NKAIN2: variants seen among roughly 807,000 people sequenced by gnomAD.
NKAIN2 encodes sodium/potassium transporting ATPase interacting 2.
Under a neutral mutation model 32.6 loss-of-function variants are expected in NKAIN2, and 14 were observed. The observed-to-expected ratio is 0.43, with a 90% CI of 0.28 to 0.67. NKAIN2 has a LOEUF of 0.67. Among genes scored for constraint, NKAIN2 ranks in the 30% least tolerant of loss-of-function variants. The pLI, the probability that NKAIN2 is intolerant of heterozygous loss-of-function variation, is 0.17. For missense variants in NKAIN2, 198 were observed against 258.3 expected, an observed-to-expected ratio of 0.77 and a Z score of 1.60; for synonymous variants, 80 against 87.2, an observed-to-expected ratio of 0.92 and a Z score of 0.46.
At chr6:124,757,732 T>A (rs565226033) in intron 4 of NKAIN2, among the ~76,000 whole-genome samples, 139 of 152,292 alleles carry the variant, frequency 9.1e-4, no homozygotes, top group Non-Finnish European at 1.8e-3. Flanking sequence ...TTGTGTAAGG[T>A]TGTCCAGAAA....
At position 124,785,764 on chromosome 6, in the gene NKAIN2, C is replaced by T. The variant is rs974790256; in HGVS notation, c.475-5575C>T. Among the ~76,000 whole-genome samples, 4 of 152,122 alleles carry T rather than the reference C, an allele frequency of 2.6e-5. No homozygotes were observed. In the East Asian group the frequency reaches 5.8e-4, roughly 22 times the overall value. On this transcript the variant is annotated intron_variant, in intron 4 of 6. Transcript: ENST00000368417. ...GCTCCAAGGTGGCTTTCACTGATGC[C>T]ATGGGGGTGGCGGACTGGCCTCAGT...
chr6:123,897,637 T>C (rs1330356407), intron 1 of NKAIN2, among the ~76,000 whole-genome samples: 4 of 152,068 alleles, frequency 2.6e-5, no homozygotes. Flanking sequence ...ATTATATATC[T>C]GTTATGAGTG....
chr6:124,358,800 G>T (rs1227493725), intron 3 of NKAIN2, among the ~76,000 whole-genome samples: 25 of 151,030 alleles, frequency 1.7e-4, no homozygotes, highest in Non-Finnish European at 2.1e-4. Context: ...GTCAATTTTG[G>T]CTTTTGTTGC....
intron 4 of NKAIN2, among the ~76,000 whole-genome samples, chr6:124,687,332 C>CAT: frequency 7.5e-6 from 1 of 133,934 alleles, no homozygotes; most frequent in Non-Finnish European, 1.6e-5. Context: ...ATATATATTC[C>CAT]ATACATATAC....
chr6:123,945,254 T>G (rs565693797), intron 1 of NKAIN2, among the ~76,000 whole-genome samples: 1 of 152,188 alleles, frequency 6.6e-6, no homozygotes. Flanking sequence ...CTGGTCAAGA[T>G]TAGTCCAGCT....
intron 1 of NKAIN2, among the ~76,000 whole-genome samples, chr6:123,855,564 C>T (rs994829707): frequency 1.3e-5 from 2 of 152,142 alleles, no homozygotes; most frequent in African/African-American, 2.4e-5. Flanking sequence ...ACCATATTTG[C>T]CACCCAGCTT....
At chr6:124,209,630 C>T (rs1791071294) in intron 1 of NKAIN2, among the ~76,000 whole-genome samples, 1 of 151,778 alleles carries the variant, frequency 6.6e-6, no homozygotes, top group African/African-American at 2.4e-5. Context: ...TATTGTTTGG[C>T]TTTTGGACAA....
intron 1 of NKAIN2, among the ~76,000 whole-genome samples, chr6:124,193,988 G>A (rs924715400): frequency 6.6e-6 from 1 of 152,086 alleles, no homozygotes; most frequent in African/African-American, 2.4e-5. Context: ...AGAAGACCCT[G>A]GAGCCGGTAG....
chr6:124,207,430 ATAAAG>A (rs1380326717), intron 1 of NKAIN2, among the ~76,000 whole-genome samples: 1 of 150,420 alleles, frequency 6.6e-6, no homozygotes, highest in Admixed American at 6.7e-5. Flanking sequence ...CATAGGGAGA[ATAAAG>A]TATATGTTTC....
At chr6:124,618,889 T>C (rs1046603895) in intron 3 of NKAIN2, among the ~76,000 whole-genome samples, 1 of 152,216 alleles carries the variant, frequency 6.6e-6, no homozygotes, top group Non-Finnish European at 1.5e-5. Flanking sequence ...CCATTTCTTC[T>C]CAATAGTTTG....
At chr6:124,570,817 C>T (rs1425205302) in intron 3 of NKAIN2, among the ~76,000 whole-genome samples, 1 of 152,118 alleles carries the variant, frequency 6.6e-6, no homozygotes, top group African/African-American at 2.4e-5. Flanking sequence ...GAGAAGAGGG[C>T]CACCATCCTC....
rs139924904 is a variant in NKAIN2, at chr6:124,638,649, A to G, written c.274-19537A>G. On this transcript the variant is annotated intron_variant, in intron 3 of 6. Coordinates refer to ENST00000368417, the MANE Select transcript of NKAIN2 (RefSeq NM_001040214.3). ...GGTGGCTCACGCCTGTAATCTCAGC[A>G]CTTTGAGAGCCCAAGGTGGGTGGAT... Among the ~76,000 whole-genome samples, 1,238 of 152,254 alleles carry G rather than the reference A, an allele frequency of 8.1e-3. 11 individuals are homozygous for G. The highest frequency in any genetic ancestry group is 0.028 in the African/African-American group (1,180 of 41,556).
At chr6:123,946,207 G>C (rs1033469176) in intron 1 of NKAIN2, among the ~76,000 whole-genome samples, 4 of 152,114 alleles carry the variant, frequency 2.6e-5, no homozygotes, top group African/African-American at 9.7e-5. Context: ...AAATTAAAAA[G>C]AGCCTTACAT....
At chr6:124,373,162 A>G (rs916873041) in intron 3 of NKAIN2, among the ~76,000 whole-genome samples, 54 of 152,146 alleles carry the variant, frequency 3.5e-4, no homozygotes, top group African/African-American at 1.3e-3. Context: ...ATGTCATATA[A>G]GATTACATCT....
At position 123,911,812 on chromosome 6, in the gene NKAIN2, TACACACACAC is replaced by T. The variant is rs60501930; in HGVS notation, c.54+107596_54+107605del. On this transcript the variant is annotated intron_variant, in intron 1 of 6. Transcript: ENST00000368417. ...ATATATATATATATGTATATATATA[TACACACACAC>T]ACACACACACACACACACACACACA... 2.6e-3 allele frequency among the ~76,000 whole-genome samples: 222 copies of T among 85,010 alleles called. 14 individuals carry two copies. The highest frequency in any genetic ancestry group is 0.022 in the East Asian group (62 of 2,852). The allele number at this position is 85,010 out of a possible 152,430, so 55.8% of individuals were successfully genotyped here. A position where few individuals can be genotyped will look rare whatever the true frequency, so the allele number is the denominator to read the frequency against.
chr6:124,625,363 G>C (rs983212976), intron 3 of NKAIN2, among the ~76,000 whole-genome samples: 1 of 152,116 alleles, frequency 6.6e-6, no homozygotes, highest in Non-Finnish European at 1.5e-5. Flanking sequence ...GCCACAGCAG[G>C]GGAGCCAGGT....
intron 1 of NKAIN2, among the ~76,000 whole-genome samples, chr6:124,165,154 TA>T (rs1788470239): frequency 6.6e-6 from 1 of 152,094 alleles, no homozygotes; most frequent in Non-Finnish European, 1.5e-5. Context: ...ATATTTTTGG[TA>T]TTGGTGAAAA....
intron 1 of NKAIN2, among the ~76,000 whole-genome samples, chr6:124,243,404 A>G (rs912078065): frequency 6.6e-6 from 1 of 151,994 alleles, no homozygotes; most frequent in Non-Finnish European, 1.5e-5. Context: ...CTGAGGTAAG[A>G]GAATAACTTG....
At chr6:124,649,523 C>T (rs1477254670) in intron 3 of NKAIN2, among the ~76,000 whole-genome samples, 3 of 152,104 alleles carry the variant, frequency 2.0e-5, no homozygotes, top group Non-Finnish European at 4.4e-5. Flanking sequence ...CTGGTGGATT[C>T]TACCAAACAC....
Sources: gnomAD v4.1 joint callset for allele counts (sites outside exome capture counted in the v4.1 genomes callset) on GRCh38, gnomAD v4.1.1 for gene constraint, MANE v1.5 for transcripts, NCBI Gene and HGNC (gene_info 2026-07-23, HGNC 2026-07-21) for gene names.